CWH43: variants seen among roughly 807,000 people sequenced by gnomAD.
CWH43 encodes cell wall biogenesis 43 C-terminal homolog, also known as PGAP2-interacting protein.
Under a neutral mutation model 85.7 loss-of-function variants are expected in CWH43, and 91 were observed. The observed-to-expected ratio is 1.06, with a 90% CI of 0.90 to 1.26. The LOEUF (loss-of-function observed/expected upper bound fraction) is 1.26, where lower values mean the gene tolerates loss of function less well. Ranked by LOEUF, CWH43 falls within the 50% of genes most tolerant of loss-of-function variation. The pLI, the probability that CWH43 is intolerant of heterozygous loss-of-function variation, is 0.00. For missense variants in CWH43, 869 were observed against 839.2 expected (o/e 1.04, Z -0.44); for synonymous variants, 323 against 293.6 (o/e 1.10, Z -1.02).
In CWH43 at chr4:49,044,792, G is replaced by A. The variant is rs138815001; in HGVS notation, c.1810G>A (p.Asp604Asn). 4.1e-5 allele frequency: 66 copies of A among 1,612,610 alleles called. No individual in the cohort carries two copies. The highest frequency in any genetic ancestry group is 4.0e-4 in the East Asian group (18 of 44,826). ...LTEHGNVKDI[D>N]STDHDRWCEY... ...CCTCTCTGCTCTTTATTAGGATATC[G>A]ACAGCACTGATCATGACAGATGGTG... Residue 604 changes from aspartate to asparagine, a missense_variant, in exon 14 of 16, where the codon GAC becomes AAC. This residue lies in a region of CWH43 where 577 missense variants were observed against 513.1 expected (regional missense o/e 1.12). Coordinates refer to ENST00000226432, the MANE Select transcript of CWH43 (RefSeq NM_025087.3).
chr4:49,053,821 G>T (rs1202761599), intron 15 of CWH43, among the ~76,000 whole-genome samples: 1 of 152,100 alleles, frequency 6.6e-6, no homozygotes, highest in Non-Finnish European at 1.5e-5. Flanking sequence ...TGTACTTTTG[G>T]ATTTGGGATG....
At chr4:48,988,965 CTG>C (rs1188505645) in intron 2 of CWH43, among the ~76,000 whole-genome samples, 1 of 152,116 alleles carries the variant, frequency 6.6e-6, no homozygotes, top group Admixed American at 6.5e-5. Flanking sequence ...TTCTTTCCAA[CTG>C]TGACATAACA....
At chr4:49,031,257 C>T (rs1185917468) in intron 11 of CWH43, 7 of 278,120 alleles carry the variant, frequency 2.5e-5, no homozygotes, top group South Asian at 1.4e-4. Flanking sequence ...CAGTGTAAGA[C>T]AGAAAATCAA....
rs537871106 is a variant in CWH43 at position 48,994,366 on chromosome 4, T to A, written c.512-253T>A. 3.3e-5 allele frequency among the ~76,000 whole-genome samples: 5 copies of A among 152,326 alleles called. No homozygotes were observed. The South Asian group carries it at 1.0e-3, about 32-fold the overall frequency. ...ACATGAAGCAAATAATTTTCTGCAT[T>A]TTCACCTGTTGAATTCCAAAATGCC... is the stretch of plus-strand genomic sequence containing the variant. On this transcript the variant is annotated intron_variant, in intron 4 of 15. Coordinates refer to ENST00000226432, the MANE Select transcript of CWH43 (RefSeq NM_025087.3).
intron 4 of CWH43, among the ~76,000 whole-genome samples, chr4:48,993,485 C>G (rs1183509186): frequency 6.6e-6 from 1 of 152,142 alleles, no homozygotes; most frequent in East Asian, 1.9e-4. Context: ...GCCATACTGT[C>G]AGACCCTAAG....
At chr4:49,042,786 A>G (rs1479598882) in intron 13 of CWH43, among the ~76,000 whole-genome samples, 1 of 152,230 alleles carries the variant, frequency 6.6e-6, no homozygotes, top group Non-Finnish European at 1.5e-5. Flanking sequence ...GAGATTTCAG[A>G]AGAGGAAAAC....
chr4:48,988,312 A>G (rs553535946), intron 1 of CWH43, among the ~76,000 whole-genome samples, 165 bp from the exon 2 acceptor site: 8 of 152,154 alleles, frequency 5.3e-5, no homozygotes, highest in Admixed American at 2.0e-4. Context: ...ACAGGTGTAG[A>G]GCTCTTGTTT....
intron 6 of CWH43, among the ~76,000 whole-genome samples, chr4:49,003,172 G>A (rs1251305762): frequency 2.6e-5 from 4 of 152,166 alleles, no homozygotes; most frequent in Non-Finnish European, 4.4e-5. Flanking sequence ...AGGCTGTTGG[G>A]TAATGAATGA....
At chr4:49,035,310 T>C (rs2109812928) in intron 12 of CWH43, among the ~76,000 whole-genome samples, 1 of 152,362 alleles carries the variant, frequency 6.6e-6, no homozygotes, top group African/African-American at 2.4e-5. Flanking sequence ...TAAAAAGTAC[T>C]GACTGCACAA....
chr4:49,042,942 G>A (rs1018085164), intron 13 of CWH43, among the ~76,000 whole-genome samples: 1 of 152,132 alleles, frequency 6.6e-6, no homozygotes, highest in Non-Finnish European at 1.5e-5. Flanking sequence ...TCTTGCCTGG[G>A]TTCTCCTATG....
At chr4:49,003,010 C>T (rs1358562756) in intron 6 of CWH43, among the ~76,000 whole-genome samples, 1 of 152,050 alleles carries the variant, frequency 6.6e-6, no homozygotes, top group South Asian at 2.1e-4. Context: ...ATTGATGGTC[C>T]CAAGATGGAG....
At chr4:49,007,506 A>G (rs1338115340) in intron 8 of CWH43, among the ~76,000 whole-genome samples, 180 bp downstream of exon 8, 1 of 152,160 alleles carries the variant, frequency 6.6e-6, no homozygotes, top group East Asian at 1.9e-4. Flanking sequence ...TTTAAGTTCT[A>G]GGGTACATGT....
chr4:49,002,664 A>G (rs951440169), intron 6 of CWH43, among the ~76,000 whole-genome samples: 10 of 152,100 alleles, frequency 6.6e-5, no homozygotes, highest in African/African-American at 2.4e-4. Flanking sequence ...GGTATTTGAA[A>G]TCTCCCTATG....
At chr4:49,048,445 T>G (rs191454207) in intron 14 of CWH43, among the ~76,000 whole-genome samples, 2 of 152,014 alleles carry the variant, frequency 1.3e-5, no homozygotes, top group African/African-American at 4.8e-5. Context: ...ATGTATGAAT[T>G]TAATACTCTG....
At chr4:49,040,410 G>A (rs1409134751) in intron 13 of CWH43, among the ~76,000 whole-genome samples, 6 of 152,244 alleles carry the variant, frequency 3.9e-5, no homozygotes, top group South Asian at 2.1e-4. Context: ...AGCACCTGTC[G>A]TTTCCTGACT....
At chr4:49,020,384 TACACACACAC>T (rs35489918) in intron 9 of CWH43, among the ~76,000 whole-genome samples, 20 of 120,166 alleles carry the variant, frequency 1.7e-4, no homozygotes, top group African/African-American at 4.1e-4. Flanking sequence ...AGTATTCCAT[TACACACACAC>T]ACACACACAC....
Position 49,017,140 on chromosome 4 carries a change from C to T in CWH43, c.1187-109C>T, listed in dbSNP as rs1235712178. 3.3e-6 allele frequency: 3 copies of T among 913,244 alleles called. No homozygotes were observed. The African/African-American group carries it at 5.0e-5, about 15-fold the overall frequency. The allele number at this position is 913,244 out of a possible 1,614,324, so 56.6% of individuals were successfully genotyped here. A position where few individuals can be genotyped will look rare whatever the true frequency, so the allele number is the denominator to read the frequency against. On this transcript the variant is annotated intron_variant, in intron 8 of 15. Coordinates refer to ENST00000226432, the MANE Select transcript of CWH43 (RefSeq NM_025087.3). ...CTTCCAGGTCCTCCAAGAAGAACTT[C>T]CTGGAGGGTGCCATGGCACTGGAGC...
intron 6 of CWH43, among the ~76,000 whole-genome samples, chr4:48,998,911 C>CT (rs1024598306): frequency 5.3e-5 from 8 of 152,150 alleles, no homozygotes; most frequent in Admixed American, 1.3e-4. Context: ...TTTGTATAAA[C>CT]TTATGGGTTA....
intron 9 of CWH43, among the ~76,000 whole-genome samples, chr4:49,018,392 G>C (rs984862509): frequency 2.0e-5 from 3 of 152,032 alleles, no homozygotes; most frequent in African/African-American, 7.2e-5. Flanking sequence ...TATGAAATAA[G>C]CAACTGTTTT....
Sources: gnomAD v4.1 joint callset for allele counts (sites outside exome capture counted in the v4.1 genomes callset) on GRCh38, gnomAD v4.1.1 for gene constraint, gnomAD v4.1.1 regional missense constraint, MANE v1.5 for transcripts, NCBI Gene and HGNC (gene_info 2026-07-23, HGNC 2026-07-21) for gene names.